Variants in ZNF536 observed in about 807,000 individuals in gnomAD.
ZNF536 encodes the protein zinc finger protein 536.
In ZNF536, 13 loss-of-function variants were observed where a neutral mutation model predicts 84.5. The observed-to-expected ratio is 0.15, with a 90% confidence interval of 0.10 to 0.24. The LOEUF (loss-of-function observed/expected upper bound fraction) is 0.24. ZNF536 is among the 10% of genes least tolerant of loss of function. ZNF536 has a pLI of 1.00. For synonymous variants in ZNF536, 811 were observed against 742.5 expected (o/e 1.09, Z -1.50); for missense variants, 1,536 against 1,747.5 (o/e 0.88, Z 2.16).
upstream of ZNF536, among the ~76,000 whole-genome samples, chr19:30,367,736 G>T (rs887476851): frequency 6.6e-6 from 1 of 152,228 alleles, no homozygotes; most frequent in Non-Finnish European, 1.5e-5. Context: ...GTCTGGAGTA[G>T]CTGAGGGGCG....
At chr19:30,708,043 A>T (rs1436348426) in intron 1 of ZNF536, among the ~76,000 whole-genome samples, 1 of 151,900 alleles carries the variant, frequency 6.6e-6, no homozygotes, top group Non-Finnish European at 1.5e-5. Context: ...AAAAATGTAT[A>T]ATTCCTTAGA....
At chr19:30,250,462 G>T (rs764386839) in intron 1 of ZNF536, among the ~76,000 whole-genome samples, 3 of 152,168 alleles carry the variant, frequency 2.0e-5, no homozygotes, top group Admixed American at 6.5e-5. Context: ...TGTTGGGGCA[G>T]GTCTCTCTGG....
In ZNF536 at chr19:30,489,349, G is replaced by A. The variant is rs957303957; in HGVS notation, c.2170+43617G>A. ...AGTCCCAACACTTTGGGAGGCCGAG[G>A]AGGGAGGATTCCTTGAGACCAGGAG... On this transcript the variant is annotated intron_variant, in intron 2 of 4. Transcript: ENST00000355537. 2.6e-5 allele frequency among the ~76,000 whole-genome samples: 4 copies of A among 152,210 alleles called. No individual in the cohort carries two copies. The East Asian group carries it at 7.7e-4, about 29-fold the overall frequency.
At chr19:30,389,531 C>T (rs2147311455) in intron 1 of ZNF536, among the ~76,000 whole-genome samples, 1 of 152,278 alleles carries the variant, frequency 6.6e-6, no homozygotes, top group Admixed American at 6.5e-5. Flanking sequence ...ACAGATACGA[C>T]TAGTAATGAT....
At chr19:30,532,690 T>A (rs1368785737) in intron 2 of ZNF536, among the ~76,000 whole-genome samples, 1 of 65,564 alleles carries the variant, frequency 1.5e-5, no homozygotes. Flanking sequence ...AGGGTTGGGG[T>A]GGGTGGGAGT....
intron 1 of ZNF536, among the ~76,000 whole-genome samples, chr19:30,230,030 A>ATATT (rs2022916446): frequency 6.6e-6 from 1 of 152,192 alleles, no homozygotes; most frequent in African/African-American, 2.4e-5. Context: ...CCAGGCAGAG[A>ATATT]TATTTGCATG....
At chr19:30,534,752 T>G in intron 2 of ZNF536, 95 bp from the exon 3 acceptor site, 12 of 1,319,124 alleles carry the variant, frequency 9.1e-6, no homozygotes, top group Non-Finnish European at 1.2e-5. Flanking sequence ...GGTGTAGTAT[T>G]GACATGTTTA....
At chr19:30,315,852 A>T (rs10415763) in intron 2 of ZNF536, among the ~76,000 whole-genome samples, 1,631 of 152,318 alleles carry the variant, frequency 0.011, 29 homozygotes, top group African/African-American at 0.037. Flanking sequence ...TAAAATTGAC[A>T]TTGAAGCCTA....
chr19:30,458,985 G>A (rs915931384), intron 2 of ZNF536, among the ~76,000 whole-genome samples: 5 of 152,208 alleles, frequency 3.3e-5, no homozygotes, highest in South Asian at 2.1e-4. Context: ...GAGGACTCTG[G>A]TGCTGGCCCT....
intron 1 of ZNF536, among the ~76,000 whole-genome samples, chr19:30,391,229 G>T (rs1222393364): frequency 1.3e-5 from 2 of 152,164 alleles, no homozygotes; most frequent in Admixed American, 6.6e-5. Context: ...TCTGATCCCA[G>T]GTCCAAAGGG....
intron 2 of ZNF536, among the ~76,000 whole-genome samples, chr19:30,493,855 C>T (rs1032931322): frequency 3.9e-5 from 6 of 152,240 alleles, no homozygotes; most frequent in African/African-American, 1.4e-4. Context: ...TGTAAAGCAT[C>T]TCTGTTATGG....
At chr19:30,273,569 A>G (rs1372380113) in intron 1 of ZNF536, among the ~76,000 whole-genome samples, 4 of 152,162 alleles carry the variant, frequency 2.6e-5, no homozygotes, top group Non-Finnish European at 4.4e-5. Context: ...TCTTTTGCCC[A>G]TTTTTAAATT....
intron 1 of ZNF536, among the ~76,000 whole-genome samples, chr19:30,573,752 G>A (rs949634466): frequency 6.6e-6 from 1 of 152,264 alleles, no homozygotes; most frequent in African/African-American, 2.4e-5. Flanking sequence ...CCTGGAAAAC[G>A]TGGGCCAATC....
intron 1 of ZNF536, among the ~76,000 whole-genome samples, chr19:30,658,456 C>T (rs1462627412): frequency 1.3e-5 from 2 of 152,248 alleles, no homozygotes; most frequent in South Asian, 2.1e-4. Flanking sequence ...ATCTTTAAAT[C>T]GGTATCCCAG....
At chr19:30,411,474 G>A (rs2050492971) in intron 1 of ZNF536, among the ~76,000 whole-genome samples, 1 of 152,106 alleles carries the variant, frequency 6.6e-6, no homozygotes, top group East Asian at 1.9e-4. Context: ...ATTCTCCTAT[G>A]ATTTCAGTGA....
chr19:30,546,153 C>G (rs1395293170), intron 3 of ZNF536, among the ~76,000 whole-genome samples: 3 of 152,192 alleles, frequency 2.0e-5, no homozygotes, highest in Admixed American at 2.0e-4. Context: ...CAGAAGTGCC[C>G]CATCCCAGCC....
chr19:30,235,100 T>C (rs962391022), intron 1 of ZNF536, among the ~76,000 whole-genome samples: 2 of 152,180 alleles, frequency 1.3e-5, no homozygotes, highest in East Asian at 1.9e-4. Flanking sequence ...GTGGCCACTA[T>C]TGGGTGGTGA....
chr19:30,695,740 T>C (rs1360990632), intron 1 of ZNF536, among the ~76,000 whole-genome samples: 1 of 152,164 alleles, frequency 6.6e-6, no homozygotes, highest in Non-Finnish European at 1.5e-5. Flanking sequence ...ATGGTGTGGC[T>C]TTCTTCTGCC....
At chr19:30,695,599 G>A (rs2051624246) in intron 1 of ZNF536, among the ~76,000 whole-genome samples, 1 of 152,148 alleles carries the variant, frequency 6.6e-6, no homozygotes, top group Admixed American at 6.5e-5. Flanking sequence ...TAGTAGGTAA[G>A]AAGGGATTGC....
Sources: allele counts gnomAD v4.1 joint callset (sites outside exome capture counted in the v4.1 genomes callset), GRCh38; gene constraint gnomAD v4.1.1; transcripts MANE v1.5; gene names NCBI Gene and HGNC (gene_info 2026-07-23, HGNC 2026-07-21).